The following FOXP1 variants were observed in gnomAD, a reference collection of about 807,000 sequenced individuals.
FOXP1 encodes the protein forkhead box P1, also known as forkhead box protein P1.
FOXP1 carries 15 observed loss-of-function variants against 98.2 expected under a neutral mutation model. That is an observed-to-expected ratio of 0.15 (90% CI 0.10 to 0.24). The LOEUF (loss-of-function observed/expected upper bound fraction) is 0.24. Among genes scored for constraint, FOXP1 ranks in the 10% least tolerant of loss-of-function variants. The pLI is 1.00. For synonymous variants in FOXP1, 371 were observed against 314.5 expected (o/e 1.18, Z -1.90); for missense variants, 633 against 848.5 (o/e 0.75, Z 3.15).
chr3:70,984,740 C>G (rs868024154), intron 14 of FOXP1, among the ~76,000 whole-genome samples: 1 of 151,958 alleles, frequency 6.6e-6, no homozygotes, highest in African/African-American at 2.4e-5. Context: ...GAAGAAAGGC[C>G]GTCGAAGGAG....
chr3:71,046,092 T>G (rs1215193678), intron 10 of FOXP1, among the ~76,000 whole-genome samples: 1 of 152,100 alleles, frequency 6.6e-6, no homozygotes, highest in Non-Finnish European at 1.5e-5. Context: ...CCGCCCTCCC[T>G]CCCTCTTGAC....
intron 4 of FOXP1, chr3:71,333,309 C>T (rs1388228981): frequency 6.6e-6 from 1 of 152,124 alleles, no homozygotes; most frequent in Non-Finnish European, 1.5e-5. Flanking sequence ...TCTCTTAATA[C>T]AGCCACCCTG....
At chr3:71,218,130 G>A (rs1433033709) in intron 5 of FOXP1, among the ~76,000 whole-genome samples, 1 of 152,190 alleles carries the variant, frequency 6.6e-6, no homozygotes, top group Non-Finnish European at 1.5e-5. Context: ...GCACCTGGGT[G>A]TGTTCACGTC....
At chr3:71,306,161 T>G (rs372178765) in intron 4 of FOXP1, 1 of 152,324 alleles carries the variant, frequency 6.6e-6, no homozygotes, top group East Asian at 1.9e-4. Context: ...CCGCTGTGCC[T>G]TCTACCTGTC....
At position 71,340,131 on chromosome 3, in the gene FOXP1, C is replaced by T. The variant is rs989785825; in HGVS notation, c.-73+19019G>A. ...TGTGCATGGGTGCTTGCGTAGATAA[C>T]CCCCTGCCCCCCTATTTTCCCACTG... is the stretch of plus-strand genomic sequence containing the variant. On this transcript the variant is annotated intron_variant, in intron 4 of 20. Transcript: ENST00000649528. 3.3e-5 allele frequency among the ~76,000 whole-genome samples: 5 copies of T among 152,092 alleles called. No individual in the cohort carries two copies. The South Asian group carries it at 8.3e-4, about 25-fold the overall frequency.
intron 6 of FOXP1, among the ~76,000 whole-genome samples, chr3:71,189,552 CA>C (rs2062842862): frequency 1.3e-5 from 2 of 152,160 alleles, no homozygotes; most frequent in Admixed American, 1.3e-4. Context: ...CTCCTAGTGG[CA>C]GCTAAGAAAG....
rs992267709 is a variant in FOXP1 at position 71,061,107 on chromosome 3, C to G, written c.283-7334G>C. On this transcript the variant is annotated intron_variant, in intron 7 of 20. Transcript: ENST00000649528. ...AGATACCTGAGTTTTCTTTTTTAAA[C>G]GAAAGAAAATAAGGCTGAATGCAAA... Among the ~76,000 whole-genome samples the G allele has an allele frequency of 4.6e-5, 7 of 151,140 alleles. No homozygotes were observed. The Middle Eastern group carries it at 0.02, about 441-fold the overall frequency.
chr3:71,031,295 T>C (rs761693630), intron 11 of FOXP1, among the ~76,000 whole-genome samples: 1 of 152,162 alleles, frequency 6.6e-6, no homozygotes, highest in Non-Finnish European at 1.5e-5. Context: ...TTGAAGACTA[T>C]AAAAGGAATG....
chr3:71,352,482 A>C (rs9811163), intron 4 of FOXP1, among the ~76,000 whole-genome samples: 6 of 148,202 alleles, frequency 4.0e-5, no homozygotes, highest in Non-Finnish European at 9.0e-5. Context: ...AAAAAAAAAA[A>C]AAAAAAAAAA....
chr3:71,115,945 C>T (rs796516414), intron 6 of FOXP1, among the ~76,000 whole-genome samples: 37 of 152,032 alleles, frequency 2.4e-4, no homozygotes, highest in African/African-American at 8.0e-4. Flanking sequence ...CCACGTCGGC[C>T]GGGCTAGTCT....
intron 11 of FOXP1, among the ~76,000 whole-genome samples, chr3:71,027,521 C>T (rs1274072133): frequency 1.3e-5 from 2 of 152,142 alleles, no homozygotes; most frequent in African/African-American, 4.8e-5. Flanking sequence ...CACAAGATGC[C>T]TCATTAACAT....
chr3:71,129,206 A>C (rs2059413213), intron 6 of FOXP1, among the ~76,000 whole-genome samples: 1 of 152,172 alleles, frequency 6.6e-6, no homozygotes, highest in Non-Finnish European at 1.5e-5. Context: ...AAATACCTTC[A>C]GTCACTCTTT....
At chr3:71,056,574 C>T (rs1208407540) in intron 7 of FOXP1, among the ~76,000 whole-genome samples, 1 of 152,158 alleles carries the variant, frequency 6.6e-6, no homozygotes, top group Non-Finnish European at 1.5e-5. Context: ...GGGCTGATCA[C>T]TTCTGAATAA....
intron 4 of FOXP1, among the ~76,000 whole-genome samples, chr3:71,315,079 TAAAAAAAAAAAA>T (rs11355298): frequency 1.4e-4 from 10 of 70,674 alleles, no homozygotes; most frequent in African/African-American, 3.1e-4. Flanking sequence ...CTGGTCCATG[TAAAAAAAAAAAA>T]AAAAAAAAAA....
At chr3:71,476,071 C>T (rs1053677044) in intron 3 of FOXP1, among the ~76,000 whole-genome samples, 6 of 151,996 alleles carry the variant, frequency 3.9e-5, no homozygotes, top group Non-Finnish European at 5.9e-5. Context: ...GCAGATTATC[C>T]GATAGCATTC....
chr3:71,395,877 T>C (rs979285672), intron 3 of FOXP1, among the ~76,000 whole-genome samples: 1 of 151,608 alleles, frequency 6.6e-6, no homozygotes, highest in Non-Finnish European at 1.5e-5. Flanking sequence ...AATGGGGGGG[T>C]TGGTTATGAA....
At chr3:71,089,240 A>G (rs1016378280) in intron 7 of FOXP1, among the ~76,000 whole-genome samples, 1 of 152,192 alleles carries the variant, frequency 6.6e-6, no homozygotes, top group African/African-American at 2.4e-5. Context: ...CTAGGTCACA[A>G]CTTGGATCAC....
intron 5 of FOXP1, among the ~76,000 whole-genome samples, chr3:71,253,608 T>C (rs1337396703): frequency 6.6e-6 from 1 of 152,088 alleles, no homozygotes; most frequent in Non-Finnish European, 1.5e-5. Context: ...ACTCCTTTTC[T>C]CTTCTCTCTC....
At chr3:71,046,256 G>A (rs999171968) in intron 10 of FOXP1, among the ~76,000 whole-genome samples, 3 of 152,106 alleles carry the variant, frequency 2.0e-5, no homozygotes, top group African/African-American at 7.2e-5. Flanking sequence ...TCACCCTTGG[G>A]ATAAAATGTC....
Sources: gnomAD v4.1 joint callset for allele counts (sites outside exome capture counted in the v4.1 genomes callset) on GRCh38, gnomAD v4.1.1 for gene constraint, MANE v1.5 for transcripts, NCBI Gene and HGNC (gene_info 2026-07-23, HGNC 2026-07-21) for gene names.